Variants in GULP1 observed in about 807,000 individuals in gnomAD.
GULP1 encodes PTB domain-containing engulfment adapter protein 1.
Under a neutral mutation model 40.9 loss-of-function variants are expected in GULP1, and 19 were observed. That is an observed-to-expected ratio of 0.46 (90% CI 0.32 to 0.68). GULP1 has a LOEUF of 0.68. Among genes scored for constraint, GULP1 ranks in the 30% least tolerant of loss-of-function variants. The probability of loss-of-function intolerance (pLI) is 0.03; values close to 1 mark genes in which losing one functional copy is unlikely to be tolerated. For missense variants in GULP1, 312 were observed against 362.2 expected (o/e 0.86, Z 1.12); for synonymous variants, 119 against 117.6 (o/e 1.01, Z -0.08).
At chr2:188,432,217 T>A (rs1045695863) in intron 2 of GULP1, among the ~76,000 whole-genome samples, 2 of 151,662 alleles carry the variant, frequency 1.3e-5, no homozygotes, top group East Asian at 3.9e-4. Flanking sequence ...ATTTAATGAG[T>A]ATATATCATT....
chr2:188,444,038 G>A (rs1275835828), intron 2 of GULP1, among the ~76,000 whole-genome samples: 2 of 151,856 alleles, frequency 1.3e-5, no homozygotes, highest in African/African-American at 4.8e-5. Context: ...AGTACTCATG[G>A]CCAGTTCCTA....
intron 2 of GULP1, among the ~76,000 whole-genome samples, chr2:188,394,901 G>A (rs1046994319): frequency 1.2e-4 from 18 of 152,076 alleles, no homozygotes; most frequent in Admixed American, 5.2e-4. Context: ...CTCTCCTCTG[G>A]GGTTGGAATG....
At chr2:188,545,997 A>G (rs974490562) in intron 7 of GULP1, among the ~76,000 whole-genome samples, 3 of 151,966 alleles carry the variant, frequency 2.0e-5, no homozygotes, top group Admixed American at 1.3e-4. Flanking sequence ...GAGGAGGGGC[A>G]TATAGTGATA....
At chr2:188,425,583 C>T (rs1349780569) in intron 2 of GULP1, among the ~76,000 whole-genome samples, 1 of 152,132 alleles carries the variant, frequency 6.6e-6, no homozygotes, top group African/African-American at 2.4e-5. Flanking sequence ...AGCAGTTTTA[C>T]ATAACCGTTT....
intron 2 of GULP1, among the ~76,000 whole-genome samples, chr2:188,445,720 G>T (rs901602575): frequency 6.6e-6 from 1 of 152,128 alleles, no homozygotes; most frequent in Non-Finnish European, 1.5e-5. Context: ...TTAGAACAGT[G>T]TTGTTGGGCA....
At chr2:188,518,470 C>T (rs1436010530) in intron 4 of GULP1, among the ~76,000 whole-genome samples, 1 of 151,998 alleles carries the variant, frequency 6.6e-6, no homozygotes, top group Non-Finnish European at 1.5e-5. Context: ...TTAGCCAAGT[C>T]AGTCGTTGGC....
chr2:188,551,787 C>T (rs573166501), intron 7 of GULP1, among the ~76,000 whole-genome samples: 2 of 151,812 alleles, frequency 1.3e-5, no homozygotes, highest in South Asian at 2.1e-4. Flanking sequence ...TTTACATTTC[C>T]ACCAATAGTG....
intron 1 of GULP1, among the ~76,000 whole-genome samples, chr2:188,337,203 A>T (rs1375764016): frequency 6.6e-6 from 1 of 151,858 alleles, no homozygotes; most frequent in Non-Finnish European, 1.5e-5. Flanking sequence ...CAATGGTAAG[A>T]TCTTGGCTCA....
chr2:188,323,740 T>C (rs1432671491), intron 1 of GULP1, among the ~76,000 whole-genome samples: 5 of 151,840 alleles, frequency 3.3e-5, no homozygotes, highest in African/African-American at 1.2e-4. Flanking sequence ...TATCACTGTT[T>C]TCCTATTTTT....
chr2:188,526,793 A>T (rs943454207), intron 5 of GULP1, among the ~76,000 whole-genome samples: 1 of 152,162 alleles, frequency 6.6e-6, no homozygotes, highest in Non-Finnish European at 1.5e-5. Context: ...ATAAAAGAAA[A>T]AATTATTTGG....
chr2:188,495,679 C>A (rs111525459), intron 4 of GULP1, among the ~76,000 whole-genome samples: 2 of 152,050 alleles, frequency 1.3e-5, no homozygotes, highest in African/African-American at 4.8e-5. Context: ...TTTCACACAT[C>A]TAAAATGCAA....
At chr2:188,482,240 T>C (rs2061497911) in intron 3 of GULP1, among the ~76,000 whole-genome samples, 1 of 151,920 alleles carries the variant, frequency 6.6e-6, no homozygotes, top group Non-Finnish European at 1.5e-5. Context: ...TAATTTACAT[T>C]CCAAAAATAT....
intron 2 of GULP1, among the ~76,000 whole-genome samples, chr2:188,473,961 T>G (rs1029051614): frequency 6.6e-6 from 1 of 152,170 alleles, no homozygotes; most frequent in Admixed American, 6.5e-5. Context: ...TGCTGGTTAT[T>G]CAATGCCCAA....
chr2:188,485,813 G>A (rs752018412), intron 4 of GULP1, among the ~76,000 whole-genome samples: 1 of 152,006 alleles, frequency 6.6e-6, no homozygotes, highest in Non-Finnish European at 1.5e-5. Context: ...GTCTGAAAGA[G>A]TGGAATTTTT....
At chr2:188,417,883 T>C (rs1226045664) in intron 2 of GULP1, among the ~76,000 whole-genome samples, 9 of 152,156 alleles carry the variant, frequency 5.9e-5, no homozygotes. Flanking sequence ...CTCAAACTCC[T>C]GGGCTCAAGT....
At chr2:188,451,168 G>T (rs1002016816) in intron 2 of GULP1, among the ~76,000 whole-genome samples, 5 of 152,088 alleles carry the variant, frequency 3.3e-5, no homozygotes, top group African/African-American at 9.7e-5. Context: ...AACAATTTAT[G>T]ATGTAAAACA....
At chr2:188,557,546 G>A (rs1695094705) in intron 7 of GULP1, among the ~76,000 whole-genome samples, 4 of 152,178 alleles carry the variant, frequency 2.6e-5, no homozygotes, top group Admixed American at 2.6e-4. Context: ...CAAGGTCTTG[G>A]GCAACTCTGC....
At chr2:188,388,408 T>A (rs2050072919) in intron 2 of GULP1, among the ~76,000 whole-genome samples, 1 of 146,526 alleles carries the variant, frequency 6.8e-6, no homozygotes, top group African/African-American at 2.5e-5. Flanking sequence ...CCAGACAGGA[T>A]GGTGTATACT....
intron 4 of GULP1, among the ~76,000 whole-genome samples, chr2:188,498,178 A>G (rs1407489303): frequency 6.6e-6 from 1 of 151,952 alleles, no homozygotes; most frequent in Non-Finnish European, 1.5e-5. Context: ...AGCATCCCAG[A>G]GACATACCAG....
Sources: gnomAD v4.1 joint callset for allele counts (sites outside exome capture counted in the v4.1 genomes callset) on GRCh38, gnomAD v4.1.1 for gene constraint, MANE v1.5 for transcripts, NCBI Gene and HGNC (gene_info 2026-07-23, HGNC 2026-07-21) for gene names.